The following OSBPL1A variants were observed in gnomAD, a reference collection of about 807,000 sequenced individuals.
OSBPL1A encodes the protein oxysterol-binding protein-related protein 1.
OSBPL1A carries 80 observed loss-of-function variants against 137.1 expected under a neutral mutation model. The observed-to-expected ratio is 0.58, with a 90% CI of 0.49 to 0.70. The LOEUF (loss-of-function observed/expected upper bound fraction) is 0.70, where lower values mean the gene tolerates loss of function less well. Ranked by LOEUF, OSBPL1A falls within the 30% of genes least tolerant of loss-of-function variation. The pLI is 0.00. For missense variants in OSBPL1A, 970 were observed against 1,129.4 expected, an observed-to-expected ratio of 0.86 and a Z score of 2.02; for synonymous variants, 365 against 389.7, an observed-to-expected ratio of 0.94 and a Z score of 0.75.
At position 24,166,687 on chromosome 18, in the gene OSBPL1A, T is replaced by C; in HGVS notation, c.2551A>G (p.Ser851Gly). ...PNSAQMYNFTSFAMVLNEVDK... is the reference protein window; with the variant it reads ...PNSAQMYNFTGFAMVLNEVDK... ...ACTTCATTCAAAACCATTGCAAAAC[T>C]AGTAAAATTATACATCTGAAAAGAA... is the stretch of plus-strand genomic sequence containing the variant. Residue 851 changes from serine to glycine, a missense_variant, in exon 26 of 28, where the codon AGT becomes GGT. Ser to Gly is a moderately conservative substitution (Grantham distance 56, BLOSUM62 0). Coordinates refer to ENST00000319481, the MANE Select transcript of OSBPL1A (RefSeq NM_080597.4). 6.2e-7 allele frequency: 1 copy of C among 1,609,390 alleles called. No homozygotes were observed. The highest frequency in any genetic ancestry group is 8.5e-7 in the Non-Finnish European group (1 of 1,178,780).
intron 15 of OSBPL1A, among the ~76,000 whole-genome samples, chr18:24,253,656 T>A (rs972839526): frequency 1.3e-5 from 2 of 152,188 alleles, no homozygotes; most frequent in African/African-American, 2.4e-5. Context: ...CTGGTCAGGT[T>A]GAAGATGGAA....
intron 14 of OSBPL1A, among the ~76,000 whole-genome samples, chr18:24,285,169 A>T (rs1202298742): frequency 6.6e-6 from 1 of 152,218 alleles, no homozygotes; most frequent in Non-Finnish European, 1.5e-5. Flanking sequence ...CATTGAATGT[A>T]TGTTGTCTCT....
At chr18:24,213,122 T>G (rs550866959) in intron 17 of OSBPL1A, among the ~76,000 whole-genome samples, 2 of 152,364 alleles carry the variant, frequency 1.3e-5, no homozygotes, top group African/African-American at 4.8e-5. Context: ...GTATTTAACC[T>G]GCTGTTAGAC....
Position 24,382,297 on chromosome 18 carries a change from C to T in OSBPL1A, c.-2-4762G>A, listed in dbSNP as rs185430808. The stretch of plus-strand genomic sequence containing the variant: ...TGGCAGGCGCCTGTAGTCCCAGCTA[C>T]TCAGGAGTCTGAGGCAGGAGAAGGG... On this transcript the variant is annotated intron_variant, in intron 1 of 27. Transcript: ENST00000319481. Among the ~76,000 whole-genome samples, 151 of 150,188 alleles carry T rather than the reference C, an allele frequency of 1.0e-3. 1 individual carries two copies. The highest frequency in any genetic ancestry group is 3.4e-3 in the African/African-American group (141 of 40,898).
At chr18:24,207,916 C>T (rs371961902) in intron 17 of OSBPL1A, among the ~76,000 whole-genome samples, 11 of 152,160 alleles carry the variant, frequency 7.2e-5, no homozygotes, top group Admixed American at 2.0e-4. Flanking sequence ...GGCTACGTTT[C>T]GTATTTTTAG....
chr18:24,303,773 C>A lies in OSBPL1A; in HGVS notation c.1093-55G>T. 3 of 1,425,152 alleles carry A rather than the reference C, an allele frequency of 2.1e-6. No homozygotes were observed. In the South Asian group the frequency reaches 3.5e-5, roughly 17 times the overall value. The allele number at this position is 1,425,152 out of a possible 1,614,324, so 88.3% of individuals were successfully genotyped here. A position where few individuals can be genotyped will look rare whatever the true frequency, so the allele number is the denominator to read the frequency against. On this transcript the variant is annotated intron_variant, in intron 13 of 27. Coordinates refer to ENST00000319481, the MANE Select transcript of OSBPL1A (RefSeq NM_080597.4). ...CAAAGTAATAAAAGATTTTACATTACTTATGCTTTAGTGTTTCTATCAAAA... is the reference window on the plus strand; with the variant it reads ...CAAAGTAATAAAAGATTTTACATTAATTATGCTTTAGTGTTTCTATCAAAA...
chr18:24,176,143 T>C (rs373678451), intron 21 of OSBPL1A, among the ~76,000 whole-genome samples: 1 of 152,232 alleles, frequency 6.6e-6, no homozygotes, highest in East Asian at 1.9e-4. Context: ...TGCCTTTCCA[T>C]ACAAACTTAG....
At chr18:24,387,200 AC>A (rs1182170437) in intron 1 of OSBPL1A, among the ~76,000 whole-genome samples, 1 of 151,994 alleles carries the variant, frequency 6.6e-6, no homozygotes, top group Non-Finnish European at 1.5e-5. Flanking sequence ...CTACAGGTGC[AC>A]ACACCACCAT....
intron 4 of OSBPL1A, among the ~76,000 whole-genome samples, chr18:24,359,431 G>T (rs868396990): frequency 1.3e-5 from 2 of 152,150 alleles, no homozygotes; most frequent in Middle Eastern, 3.4e-3. Context: ...GGGCGTGGTG[G>T]CTCATGCCTG....
intron 15 of OSBPL1A, among the ~76,000 whole-genome samples, chr18:24,242,002 C>T (rs1395608391): frequency 6.6e-6 from 1 of 151,894 alleles, no homozygotes; most frequent in African/African-American, 2.4e-5. Context: ...TGGAAATCAT[C>T]ATTCTCAGCA....
chr18:24,370,700 C>T (rs1380735143), intron 2 of OSBPL1A, among the ~76,000 whole-genome samples: 8 of 152,200 alleles, frequency 5.3e-5, no homozygotes, highest in Non-Finnish European at 1.0e-4. Flanking sequence ...AAGGGTATCC[C>T]TCTATCACCC....
At chr18:24,225,715 A>G (rs1306395962) in intron 16 of OSBPL1A, among the ~76,000 whole-genome samples, 2 of 152,056 alleles carry the variant, frequency 1.3e-5, no homozygotes, top group African/African-American at 2.4e-5. Flanking sequence ...TAATCCCAGT[A>G]CTATGGGAGG....
chr18:24,294,153 G>C (rs1482674850), intron 14 of OSBPL1A, among the ~76,000 whole-genome samples: 1 of 151,708 alleles, frequency 6.6e-6, no homozygotes, highest in Admixed American at 6.6e-5. Flanking sequence ...AAGTTCCTTA[G>C]TGAAGAAGTC....
At chr18:24,322,672 G>A (rs1325807015) in intron 7 of OSBPL1A, among the ~76,000 whole-genome samples, 1 of 152,020 alleles carries the variant, frequency 6.6e-6, no homozygotes, top group Non-Finnish European at 1.5e-5. Flanking sequence ...CAGAGAGAAA[G>A]ACAACACTAT....
In OSBPL1A at chr18:24,166,574, G is replaced by A. The variant is rs761163277; in HGVS notation, c.2659+5C>T. On this transcript the variant is annotated splice_donor_5th_base_variant and intron_variant, in intron 26 of 27. Coordinates refer to ENST00000319481, the MANE Select transcript of OSBPL1A (RefSeq NM_080597.4). ...TCACTGGTGGCTTTGGCGGATGCTA[G>A]TTACCTATCTCTCCATTTTCCATGG... 1.9e-6 allele frequency: 3 copies of A among 1,603,346 alleles called. No homozygotes were observed. In the Admixed American group the frequency reaches 5.2e-5, roughly 28 times the overall value.
At chr18:24,356,383 C>T (rs375234989) in intron 4 of OSBPL1A, among the ~76,000 whole-genome samples, 3 of 152,072 alleles carry the variant, frequency 2.0e-5, no homozygotes, top group African/African-American at 4.8e-5. Flanking sequence ...GTGGAGAAAG[C>T]GGATCACCAA....
chr18:24,196,023 C>A (rs569645570), intron 18 of OSBPL1A, 102 bp downstream of exon 18: 3 of 888,222 alleles, frequency 3.4e-6, no homozygotes, highest in African/African-American at 3.4e-5. Flanking sequence ...TTCCCATAAA[C>A]GTTGTCGTGC....
intron 18 of OSBPL1A, 75 bp downstream of exon 18, chr18:24,196,050 C>A: frequency 8.1e-7 from 1 of 1,233,782 alleles, no homozygotes; most frequent in Non-Finnish European, 1.2e-6. Context: ...TTAATGCAAA[C>A]TTTTAGGTTC....
chr18:24,235,681 C>T (rs534788635), intron 16 of OSBPL1A, among the ~76,000 whole-genome samples: 1 of 152,314 alleles, frequency 6.6e-6, no homozygotes, highest in South Asian at 2.1e-4. Context: ...GTTTTTTATA[C>T]ATAAAGCTGA....
Sources: allele counts gnomAD v4.1 joint callset (sites outside exome capture counted in the v4.1 genomes callset), GRCh38; gene constraint gnomAD v4.1.1; transcripts MANE v1.5; gene names NCBI Gene and HGNC (gene_info 2026-07-23, HGNC 2026-07-21).